Variants in SLX4IP observed in about 807,000 individuals in gnomAD.
SLX4IP encodes the protein SLX4 interacting protein, also known as protein SLX4IP.
Under a neutral mutation model 32.9 loss-of-function variants are expected in SLX4IP, and 34 were observed. The observed-to-expected ratio is 1.03, with a 90% CI of 0.79 to 1.38. The LOEUF (loss-of-function observed/expected upper bound fraction) is 1.38, where lower values mean the gene tolerates loss of function less well. Ranked by LOEUF, SLX4IP falls within the 40% of genes most tolerant of loss-of-function variation. The pLI is 0.00. For missense variants in SLX4IP, 444 were observed against 479.0 expected, an observed-to-expected ratio of 0.93 and a Z score of 0.68; for synonymous variants, 172 against 171.7, an observed-to-expected ratio of 1.00 and a Z score of -0.01.
intron 2 of SLX4IP, among the ~76,000 whole-genome samples, chr20:10,505,057 G>A (rs777749161): frequency 6.6e-6 from 1 of 152,200 alleles, no homozygotes; most frequent in Non-Finnish European, 1.5e-5. Context: ...GGCATTTCGT[G>A]TTGCAACATG....
rs1385360971 is a variant in SLX4IP, at chr20:10,624,206, C to CT, written c.*829dup. On this transcript the variant is annotated 3_prime_UTR_variant, in exon 8 of 8. Transcript: ENST00000334534. Reference sequence around the variant, plus strand: ...AAGTCGATGGGCGATTCTGCCCAACCTTAGGAGAAGACATCAGAGAGGCTC... The same window carrying CT: ...AAGTCGATGGGCGATTCTGCCCAACCTTTAGGAGAAGACATCAGAGAGGCTC... 6.6e-6 allele frequency: 1 copy of CT among 152,262 alleles called. No individual in the cohort carries two copies. Among genetic ancestry groups the CT allele is most frequent in the African/African-American group, 2.4e-5 (1 of 41,450 alleles). The allele number at this position is 152,262 out of a possible 1,614,324, so 9.4% of individuals were successfully genotyped here. A position where few individuals can be genotyped will look rare whatever the true frequency, so the allele number is the denominator to read the frequency against.
In SLX4IP at chr20:10,511,978, T is replaced by A. The variant is rs533368255; in HGVS notation, c.28-44253T>A. On this transcript the variant is annotated intron_variant, in intron 2 of 7. Transcript: ENST00000334534. ...ATTTTTTTCTTGTCAGATAATAGCA[T>A]ACAAATGTGAGATTATGGGATTGGA... Among the ~76,000 whole-genome samples, 3 of 152,374 alleles carry A rather than the reference T, an allele frequency of 2.0e-5. No homozygotes were observed. In the South Asian group the frequency reaches 6.2e-4, roughly 32 times the overall value.
At chr20:10,601,192 A>G (rs1486904589) in intron 5 of SLX4IP, among the ~76,000 whole-genome samples, 1 of 152,022 alleles carries the variant, frequency 6.6e-6, no homozygotes, top group Non-Finnish European at 1.5e-5. Flanking sequence ...TAATAGTTGG[A>G]TCATTAATTC....
chr20:10,588,965 G>A (rs143101145), intron 4 of SLX4IP, among the ~76,000 whole-genome samples: 4 of 152,228 alleles, frequency 2.6e-5, no homozygotes, highest in African/African-American at 7.2e-5. Flanking sequence ...AACTATATGA[G>A]GTGATAGTTG....
chr20:10,613,989 A>C, intron 6 of SLX4IP: 1 of 1,222,884 alleles, frequency 8.2e-7, no homozygotes, highest in Non-Finnish European at 1.2e-6. Context: ...CTCATCGTAC[A>C]CTGCTCTCTG....
chr20:10,513,128 T>A (rs1307966354), intron 2 of SLX4IP, among the ~76,000 whole-genome samples: 1 of 152,062 alleles, frequency 6.6e-6, no homozygotes, highest in South Asian at 2.1e-4. Flanking sequence ...GAAGACCTCC[T>A]AGAGGAGCAT....
At chr20:10,560,917 T>G in intron 4 of SLX4IP, 97 bp downstream of exon 4, 1 of 1,178,614 alleles carries the variant, frequency 8.5e-7, no homozygotes, top group South Asian at 2.8e-5. Flanking sequence ...CATGTTAGTA[T>G]AGTGATACAT....
At chr20:10,607,644 A>G (rs139511099) in intron 6 of SLX4IP, among the ~76,000 whole-genome samples, 63 of 152,256 alleles carry the variant, frequency 4.1e-4, no homozygotes, top group Admixed American at 3.5e-3. Context: ...TTTTCCTTGG[A>G]TAGCCACCAT....
In SLX4IP at chr20:10,518,275, C is replaced by T. The variant is rs546443862; in HGVS notation, c.28-37956C>T. ...TTGATTAAACGGACATTGTTGCTTT[C>T]CTGCTGGAAACTGAGTCTTGACGCT... is the stretch of plus-strand genomic sequence containing the variant. On this transcript the variant is annotated intron_variant, in intron 2 of 7. Transcript: ENST00000334534. 5.3e-5 allele frequency among the ~76,000 whole-genome samples: 8 copies of T among 152,324 alleles called. No homozygotes were observed. The South Asian group carries it at 1.7e-3, about 32-fold the overall frequency.
intron 1 of SLX4IP, among the ~76,000 whole-genome samples, chr20:10,452,526 C>T (rs1459616067): frequency 3.9e-5 from 6 of 151,964 alleles, no homozygotes; most frequent in Admixed American, 2.6e-4. Flanking sequence ...ATTAGCTGGG[C>T]GTGGTGGCAT....
intron 2 of SLX4IP, among the ~76,000 whole-genome samples, chr20:10,459,759 C>T (rs1052081802): frequency 1.1e-4 from 16 of 152,094 alleles, no homozygotes; most frequent in African/African-American, 3.6e-4. Flanking sequence ...GGGTTGAGAC[C>T]TTCTCAGGTG....
At chr20:10,440,120 A>G (rs2065148634) in intron 1 of SLX4IP, among the ~76,000 whole-genome samples, 1 of 151,738 alleles carries the variant, frequency 6.6e-6, no homozygotes, top group Admixed American at 6.6e-5. Flanking sequence ...TTTATCTTCT[A>G]GTTAGAAAAG....
At chr20:10,472,177 T>G (rs1177945470) in intron 2 of SLX4IP, among the ~76,000 whole-genome samples, 1 of 152,136 alleles carries the variant, frequency 6.6e-6, no homozygotes, top group African/African-American at 2.4e-5. Context: ...TTAAATGAGA[T>G]GTTGAATTAG....
intron 6 of SLX4IP, among the ~76,000 whole-genome samples, chr20:10,619,924 A>G (rs1353769905): frequency 6.6e-6 from 1 of 152,214 alleles, no homozygotes; most frequent in East Asian, 1.9e-4. Flanking sequence ...ACTAGCTTAA[A>G]ACTCACTTGG....
intron 2 of SLX4IP, among the ~76,000 whole-genome samples, chr20:10,553,479 A>T (rs1401381254): frequency 2.0e-5 from 3 of 152,244 alleles, no homozygotes; most frequent in African/African-American, 7.2e-5. Flanking sequence ...AGTTGGCTAA[A>T]TAAGTCCATG....
chr20:10,518,353 C>CTCTT (rs1335653269), intron 2 of SLX4IP, among the ~76,000 whole-genome samples: 1 of 107,128 alleles, frequency 9.3e-6, no homozygotes, highest in Non-Finnish European at 2.4e-5. Flanking sequence ...CTTTCTTTCT[C>CTCTT]TCTTTCTTTC....
intron 6 of SLX4IP, among the ~76,000 whole-genome samples, chr20:10,604,918 G>C (rs961493981): frequency 3.9e-5 from 6 of 152,166 alleles, no homozygotes; most frequent in African/African-American, 1.4e-4. Flanking sequence ...GGAGTCTTTT[G>C]AGAGTTTTTA....
At chr20:10,540,096 T>TTCCTTCC (rs1380282080) in intron 2 of SLX4IP, among the ~76,000 whole-genome samples, 51 of 111,812 alleles carry the variant, frequency 4.6e-4, no homozygotes, top group African/African-American at 1.5e-3. Flanking sequence ...CCTTCCTTCC[T>TTCCTTCC]TTCCTTCCTT....
chr20:10,593,251 A>G (rs1367251689), intron 4 of SLX4IP, among the ~76,000 whole-genome samples: 4 of 152,224 alleles, frequency 2.6e-5, no homozygotes, highest in African/African-American at 7.2e-5. Context: ...CCATAATTTT[A>G]TTTCTTTGAA....
Sources: allele counts gnomAD v4.1 joint callset (sites outside exome capture counted in the v4.1 genomes callset), GRCh38; gene constraint gnomAD v4.1.1; transcripts MANE v1.5; gene names NCBI Gene and HGNC (gene_info 2026-07-23, HGNC 2026-07-21).